Variants in DNER observed in about 807,000 individuals in gnomAD.
DNER encodes the protein delta/notch like EGF repeat containing.
DNER carries 33 observed loss-of-function variants against 78.2 expected under a neutral mutation model. That is an observed-to-expected ratio of 0.42 (90% confidence interval 0.32 to 0.56). DNER has a LOEUF of 0.56. Among genes scored for constraint, DNER ranks in the 20% least tolerant of loss-of-function variants. The pLI is 0.11. For missense variants in DNER, 918 were observed against 975.3 expected, an observed-to-expected ratio of 0.94 and a Z score of 0.78; for synonymous variants, 417 against 384.8, an observed-to-expected ratio of 1.08 and a Z score of -0.98.
At chr2:229,512,051 G>GGT (rs1418884300) in intron 6 of DNER, among the ~76,000 whole-genome samples, 3 of 152,098 alleles carry the variant, frequency 2.0e-5, no homozygotes, top group African/African-American at 7.2e-5. Context: ...AAGAAACTGT[G>GGT]GTATATATAT....
intron 6 of DNER, among the ~76,000 whole-genome samples, chr2:229,511,682 A>G (rs1478207618): frequency 6.6e-6 from 1 of 152,232 alleles, no homozygotes; most frequent in Non-Finnish European, 1.5e-5. Flanking sequence ...TTCTTCAGTT[A>G]CTTAATATAA....
At chr2:229,605,707 G>A (rs1408181656) in intron 1 of DNER, among the ~76,000 whole-genome samples, 1 of 138,542 alleles carries the variant, frequency 7.2e-6, no homozygotes, top group Non-Finnish European at 1.6e-5. Context: ...GGGCAACATG[G>A]CGAAACCCCA....
intron 1 of DNER, among the ~76,000 whole-genome samples, chr2:229,678,303 C>T (rs1699330015): frequency 6.6e-6 from 1 of 152,174 alleles, no homozygotes; most frequent in South Asian, 2.1e-4. Context: ...AGTGAAGACA[C>T]TACAAATACC....
intron 4 of DNER, among the ~76,000 whole-genome samples, chr2:229,574,815 AAAGAG>A (rs1159511546): frequency 2.0e-5 from 3 of 152,192 alleles, no homozygotes; most frequent in East Asian, 3.8e-4. Context: ...CTCTCCAAAG[AAAGAG>A]AAGAGATGCT....
rs558891632 is a variant in DNER, at chr2:229,655,004, T to G, written c.276+59144A>C. 3.3e-5 allele frequency among the ~76,000 whole-genome samples: 5 copies of G among 152,202 alleles called. No individual in the cohort carries two copies. In the South Asian group the frequency reaches 1.0e-3, roughly 32 times the overall value. On this transcript the variant is annotated intron_variant, in intron 1 of 12. Coordinates refer to ENST00000341772, the MANE Select transcript of DNER (RefSeq NM_139072.4). Reference sequence around the variant, plus strand: ...GCTTCTGACAATTGTTAAAACATCTTTCAGATGTTTTAAAAAAAATTCATC... The same window carrying G: ...GCTTCTGACAATTGTTAAAACATCTGTCAGATGTTTTAAAAAAAATTCATC...
At position 229,540,082 on chromosome 2, in the gene DNER, C is replaced by A. The variant is rs1559161047; in HGVS notation, c.993+6865G>T. Among the ~76,000 whole-genome samples, 3 of 152,120 alleles carry A rather than the reference C, an allele frequency of 2.0e-5. No individual in the cohort carries two copies. The South Asian group carries it at 6.2e-4, about 32-fold the overall frequency. On this transcript the variant is annotated intron_variant, in intron 5 of 12. Transcript: ENST00000341772. ...AAGCATAAATCAAAAGTCATGTGTTCCCACAACAGAAGGAAAATTCTACAG... is the reference window on the plus strand; with the variant it reads ...AAGCATAAATCAAAAGTCATGTGTTACCACAACAGAAGGAAAATTCTACAG...
chr2:229,551,514 A>G (rs567617305), intron 4 of DNER, among the ~76,000 whole-genome samples: 72 of 152,238 alleles, frequency 4.7e-4, no homozygotes, highest in Middle Eastern at 3.4e-3. Context: ...AGCACCTGTA[A>G]TCCCAGCTAC....
At chr2:229,697,593 G>A (rs1160624261) in intron 1 of DNER, among the ~76,000 whole-genome samples, 4 of 152,222 alleles carry the variant, frequency 2.6e-5, no homozygotes, top group Non-Finnish European at 4.4e-5. Context: ...ACCACAGGAC[G>A]TTTCAAGACT....
At chr2:229,537,142 G>A (rs1481182103) in intron 5 of DNER, among the ~76,000 whole-genome samples, 1 of 152,068 alleles carries the variant, frequency 6.6e-6, no homozygotes, top group Non-Finnish European at 1.5e-5. Context: ...GCCACATTCT[G>A]CATTTAACAA....
At chr2:229,398,244 C>T (rs983402897) in intron 10 of DNER, among the ~76,000 whole-genome samples, 6 of 151,976 alleles carry the variant, frequency 3.9e-5, no homozygotes, top group Non-Finnish European at 7.4e-5. Flanking sequence ...TACAACTCCA[C>T]AGGTAAATTT....
chr2:229,399,588 G>GA (rs1159746593), intron 10 of DNER, among the ~76,000 whole-genome samples: 4 of 151,286 alleles, frequency 2.6e-5, no homozygotes, highest in African/African-American at 7.3e-5. Flanking sequence ...AACAGTTTTG[G>GA]AAAAAAAATA....
In DNER at chr2:229,387,516, AAAGAAAGAAAGAAAGAAAGAAAG is replaced by A. The variant is rs1340870922; in HGVS notation, c.1855+726_1855+748del. Among the ~76,000 whole-genome samples the A allele has an allele frequency of 3.0e-3, 277 of 93,756 alleles. 2 individuals are homozygous for A. The highest frequency in any genetic ancestry group is 0.011 in the African/African-American group (256 of 23,928). The allele number at this position is 93,756 out of a possible 152,430, so 61.5% of individuals were successfully genotyped here. On this transcript the variant is annotated intron_variant, in intron 11 of 12. Transcript: ENST00000341772. ...GAAAGAAAGAAAGAAAGAGAGAAAGAAAGAAAGAAAGAAAGAAAGAAAGAAAGAAAGAAAGAAAGAAAGAAAGA... is the reference window on the plus strand; with the variant it reads ...GAAAGAAAGAAAGAAAGAGAGAAAGAAAAGAAAGAAAGAAAGAAAGAAAGA...
At chr2:229,370,591 G>T (rs558073875) in intron 11 of DNER, among the ~76,000 whole-genome samples, 1 of 152,274 alleles carries the variant, frequency 6.6e-6, no homozygotes, top group East Asian at 1.9e-4. Context: ...GCAATACCTG[G>T]TGTGCACTGA....
At chr2:229,664,323 A>T (rs1699055238) in intron 1 of DNER, among the ~76,000 whole-genome samples, 2 of 149,540 alleles carry the variant, frequency 1.3e-5, no homozygotes, top group Admixed American at 1.3e-4. Flanking sequence ...CAGTGGTAAG[A>T]TGCAAGCACC....
chr2:229,655,143 G>A (rs1698891551), intron 1 of DNER, among the ~76,000 whole-genome samples: 1 of 151,706 alleles, frequency 6.6e-6, no homozygotes. Context: ...ATGTATGGTG[G>A]GCCCATCATC....
chr2:229,667,097 T>C (rs561461773), intron 1 of DNER, among the ~76,000 whole-genome samples: 90 of 152,326 alleles, frequency 5.9e-4, no homozygotes, highest in African/African-American at 2.0e-3. Context: ...AACAAGGACT[T>C]TTCTTTTGCA....
intron 5 of DNER, among the ~76,000 whole-genome samples, chr2:229,533,550 T>C (rs1696346759): frequency 6.6e-6 from 1 of 152,184 alleles, no homozygotes. Context: ...CCCTCAACCC[T>C]GGAGTGCACA....
intron 12 of DNER, among the ~76,000 whole-genome samples, chr2:229,364,079 GATCTCT>G (rs1424939378): frequency 1.4e-5 from 2 of 137,980 alleles, no homozygotes; most frequent in African/African-American, 2.8e-5. Flanking sequence ...TAGCCAGGAT[GATCTCT>G]ATCTCTTGAC....
chr2:229,581,159 T>A (rs1041984649), intron 4 of DNER, among the ~76,000 whole-genome samples: 2 of 152,144 alleles, frequency 1.3e-5, no homozygotes, highest in African/African-American at 4.8e-5. Flanking sequence ...AGCAGCTTCC[T>A]AACACAGAAG....
Sources: allele counts gnomAD v4.1 joint callset (sites outside exome capture counted in the v4.1 genomes callset), GRCh38; gene constraint gnomAD v4.1.1; transcripts MANE v1.5; gene names NCBI Gene and HGNC (gene_info 2026-07-23, HGNC 2026-07-21).